SEMA3A: variants seen among roughly 807,000 people sequenced by gnomAD.
The protein encoded by SEMA3A is semaphorin-3A.
In SEMA3A, 29 loss-of-function variants were observed where a neutral mutation model predicts 97.9. That is an observed-to-expected ratio of 0.30 (90% confidence interval 0.22 to 0.40). SEMA3A has a LOEUF of 0.40. SEMA3A is among the 10% of genes least tolerant of loss of function. The pLI is 1.00. For missense variants in SEMA3A, 763 were observed against 951.3 expected (o/e 0.80, Z 2.60); for synonymous variants, 321 against 323.7 (o/e 0.99, Z 0.09).
At chr7:84,455,152 CAAG>C (rs1185707653) in intron 1 of SEMA3A, among the ~76,000 whole-genome samples, 2 of 151,698 alleles carry the variant, frequency 1.3e-5, no homozygotes, top group Admixed American at 1.3e-4. Context: ...AGTTTTTCAA[CAAG>C]AAAATGACAG....
In SEMA3A at chr7:84,468,399, T is replaced by A. The variant is rs142694900; in HGVS notation, c.-246+24061A>T. 2.9e-3 allele frequency among the ~76,000 whole-genome samples: 448 copies of A among 152,294 alleles called. 2 individuals are homozygous for A. Among genetic ancestry groups the A allele is most frequent in the African/African-American group, 0.01 (430 of 41,564 alleles). ...ATTTATGTAATGGTTATAACTACAC[T>A]CCATAGCAGGTGCCTAGTTTACTGC... On this transcript the variant is annotated intron_variant, in intron 1 of 3. Coordinates refer to the SEMA3A transcript ENST00000424555.
chr7:84,284,857 AG>A (rs1161254762), intron 3 of SEMA3A, among the ~76,000 whole-genome samples: 1 of 152,054 alleles, frequency 6.6e-6, no homozygotes, highest in East Asian at 1.9e-4. Flanking sequence ...CATCATACAG[AG>A]GTTTGCTTTA....
chr7:84,215,290 A>G (rs944966207), intron 3 of SEMA3A, among the ~76,000 whole-genome samples: 1 of 151,140 alleles, frequency 6.6e-6, no homozygotes, highest in Non-Finnish European at 1.5e-5. Flanking sequence ...GGTTCAAGCA[A>G]TTCTCCTGCC....
At chr7:83,993,618 T>C (rs1036498777) in intron 12 of SEMA3A, among the ~76,000 whole-genome samples, 1 of 142,646 alleles carries the variant, frequency 7.0e-6, no homozygotes, top group African/African-American at 2.7e-5. Flanking sequence ...GAAAATTCTT[T>C]TCTTTAAGAA....
chr7:84,269,510 A>T (rs1800091929), intron 3 of SEMA3A, among the ~76,000 whole-genome samples: 1 of 152,050 alleles, frequency 6.6e-6, no homozygotes, highest in Non-Finnish European at 1.5e-5. Flanking sequence ...AATTTTAAGG[A>T]TAATTAAATT....
chr7:84,233,449 T>C (rs1299072750), intron 3 of SEMA3A, among the ~76,000 whole-genome samples: 1 of 152,030 alleles, frequency 6.6e-6, no homozygotes, highest in Non-Finnish European at 1.5e-5. Flanking sequence ...ATGTAGACTA[T>C]CTGCTACAGG....
At chr7:84,009,285 T>A (rs577530067) in intron 9 of SEMA3A, among the ~76,000 whole-genome samples, 1 of 152,224 alleles carries the variant, frequency 6.6e-6, no homozygotes, top group Non-Finnish European at 1.5e-5. Context: ...TTCATATTTG[T>A]CTGAGTCTCT....
intron 4 of SEMA3A, among the ~76,000 whole-genome samples, chr7:84,078,685 T>A (rs1417528438): frequency 6.6e-6 from 1 of 151,978 alleles, no homozygotes; most frequent in Admixed American, 6.6e-5. Flanking sequence ...GTATCATAAA[T>A]CTCCATAGCT....
chr7:84,145,308 C>T (rs1203273894), intron 1 of SEMA3A, among the ~76,000 whole-genome samples: 1 of 152,076 alleles, frequency 6.6e-6, no homozygotes, highest in Non-Finnish European at 1.5e-5. Flanking sequence ...TTAAAATATG[C>T]TGTCTTTACT....
In SEMA3A at chr7:84,150,924, C is replaced by A. The variant is rs372746317; in HGVS notation, c.113-15973G>T. Among the ~76,000 whole-genome samples the A allele has an allele frequency of 1.8e-3, 274 of 149,180 alleles. 1 individual carries two copies. Among genetic ancestry groups the A allele is most frequent in the Non-Finnish European group, 3.2e-3 (217 of 66,902 alleles). Reference sequence around the variant, plus strand: ...GGGCAGACTGCCTCCTCAAGTGGGTCCCTGACCCCTGACCCCTGAGCAGCC... The same window carrying A: ...GGGCAGACTGCCTCCTCAAGTGGGTACCTGACCCCTGACCCCTGAGCAGCC... On this transcript the variant is annotated intron_variant, in intron 1 of 16. Coordinates refer to ENST00000265362, the MANE Select transcript of SEMA3A (RefSeq NM_006080.3).
In SEMA3A at chr7:84,239,195, TA is replaced by T. The variant is rs1408268817; in HGVS notation, c.-82-44528del. 2.0e-5 allele frequency among the ~76,000 whole-genome samples: 3 copies of T among 152,238 alleles called. No individual in the cohort carries two copies. The East Asian group carries it at 5.8e-4, about 29-fold the overall frequency. ...ATTGTGCAACTGTGAATATTTGCTT[TA>T]GGTAAAACCAAGCATTTAAAAAATT... is the stretch of plus-strand genomic sequence containing the variant. On this transcript the variant is annotated intron_variant, in intron 3 of 3. Transcript: ENST00000424555.
intron 1 of SEMA3A, among the ~76,000 whole-genome samples, chr7:84,160,349 T>G (rs1796992264): frequency 6.6e-6 from 1 of 151,692 alleles, no homozygotes; most frequent in Non-Finnish European, 1.5e-5. Context: ...AATAACTCCA[T>G]AGTCAGCCTG....
chr7:84,290,297 C>CA (rs1189401228), intron 3 of SEMA3A, among the ~76,000 whole-genome samples: 2 of 151,918 alleles, frequency 1.3e-5, no homozygotes, highest in African/African-American at 2.4e-5. Flanking sequence ...ACCAACCAAA[C>CA]AAAAAAACTG....
chr7:84,001,536 A>G (rs1312203726), intron 12 of SEMA3A, among the ~76,000 whole-genome samples: 1 of 152,178 alleles, frequency 6.6e-6, no homozygotes, highest in Non-Finnish European at 1.5e-5. Context: ...TAAGCTAAAA[A>G]TTGACTGAAA....
At chr7:84,175,088 A>G (rs1413475117) in intron 1 of SEMA3A, among the ~76,000 whole-genome samples, 1 of 152,132 alleles carries the variant, frequency 6.6e-6, no homozygotes, top group South Asian at 2.1e-4. Context: ...CTTCAGCCAG[A>G]CCAGTGATTA....
At chr7:84,129,017 C>T (rs1203422844) in intron 3 of SEMA3A, 106 bp downstream of exon 3, 1 of 813,156 alleles carries the variant, frequency 1.2e-6, no homozygotes, top group Non-Finnish European at 2.1e-6. Flanking sequence ...ATTCTAACCC[C>T]TTCCCCACAC....
chr7:84,205,099 C>G (rs1006172109), intron 3 of SEMA3A, among the ~76,000 whole-genome samples: 3 of 152,168 alleles, frequency 2.0e-5, no homozygotes, highest in African/African-American at 7.2e-5. Flanking sequence ...CATTTCAGAG[C>G]AAATTATTTT....
intron 2 of SEMA3A, among the ~76,000 whole-genome samples, chr7:84,313,356 G>GTATATATA (rs869145201): frequency 4.3e-4 from 10 of 23,040 alleles, no homozygotes; most frequent in African/African-American, 7.1e-4. Flanking sequence ...ATGTGTGTGT[G>GTATATATA]TATATATATA....
At chr7:84,328,147 C>G (rs945265913) in intron 2 of SEMA3A, among the ~76,000 whole-genome samples, 9 of 151,882 alleles carry the variant, frequency 5.9e-5, no homozygotes, top group Non-Finnish European at 1.3e-4. Flanking sequence ...TTTTTAAAAG[C>G]CAGTGTAATC....
Sources: gnomAD v4.1 joint callset for allele counts (sites outside exome capture counted in the v4.1 genomes callset) on GRCh38, gnomAD v4.1.1 for gene constraint, MANE v1.5 for transcripts, NCBI Gene and HGNC (gene_info 2026-07-23, HGNC 2026-07-21) for gene names.